TTC28: variants seen among roughly 807,000 people sequenced by gnomAD.
TTC28 encodes tetratricopeptide repeat domain 28.
TTC28 carries 61 observed loss-of-function variants against 198.0 expected under a neutral mutation model. The ratio of observed to expected loss-of-function variants is 0.31; its 90% CI spans 0.25 to 0.38. The LOEUF is 0.38. TTC28 is among the 10% of genes least tolerant of loss of function. The probability of loss-of-function intolerance (pLI) is 1.00; values close to 1 mark genes in which losing one functional copy is unlikely to be tolerated. For missense variants in TTC28, 2,678 were observed against 3,164.0 expected (o/e 0.85, Z 3.69); for synonymous variants, 1,171 against 1,297.8 (o/e 0.90, Z 2.10).
intron 2 of TTC28, among the ~76,000 whole-genome samples, chr22:28,626,543 G>A (rs1328162262): frequency 1.3e-5 from 2 of 151,930 alleles, no homozygotes; most frequent in Non-Finnish European, 2.9e-5. Context: ...TTTATAACAA[G>A]AAAATGTAAG....
chr22:28,102,483 A>G (rs1942183109), intron 8 of TTC28, among the ~76,000 whole-genome samples: 1 of 152,206 alleles, frequency 6.6e-6, no homozygotes, highest in Admixed American at 6.5e-5. Context: ...TCAAATCTGA[A>G]GGCAACCATT....
intron 2 of TTC28, among the ~76,000 whole-genome samples, chr22:28,536,274 T>A (rs190889070): frequency 6.7e-6 from 1 of 148,960 alleles, no homozygotes; most frequent in Non-Finnish European, 1.5e-5. Context: ...AGATTAATAA[T>A]CTAAGAATAA....
At chr22:28,075,129 T>A (rs1289818505) in intron 12 of TTC28, among the ~76,000 whole-genome samples, 2 of 151,980 alleles carry the variant, frequency 1.3e-5, no homozygotes, top group Non-Finnish European at 2.9e-5. Context: ...ATTTAAAAGG[T>A]CATGAGAAAC....
At chr22:28,586,134 C>G (rs1467333596) in intron 2 of TTC28, among the ~76,000 whole-genome samples, 2 of 151,898 alleles carry the variant, frequency 1.3e-5, no homozygotes, top group African/African-American at 4.8e-5. Context: ...AAAAAATTAG[C>G]TGGGCGTGGT....
chr22:28,184,123 A>G (rs1923963577), intron 5 of TTC28, among the ~76,000 whole-genome samples: 1 of 152,116 alleles, frequency 6.6e-6, no homozygotes, highest in South Asian at 2.1e-4. Context: ...TATCTATAAA[A>G]TGGGGGTAAT....
chr22:27,988,406 G>C (rs1937287007), intron 21 of TTC28, among the ~76,000 whole-genome samples: 2 of 150,324 alleles, frequency 1.3e-5, no homozygotes, highest in South Asian at 4.2e-4. Flanking sequence ...TCCTGCCTCA[G>C]CCTCCTGAGT....
intron 2 of TTC28, among the ~76,000 whole-genome samples, chr22:28,328,587 C>T (rs1165324878): frequency 6.6e-6 from 1 of 151,384 alleles, no homozygotes; most frequent in East Asian, 1.9e-4. Context: ...AACCACGTCT[C>T]TACTAAAAAT....
intron 20 of TTC28, 120 bp from the exon 21 acceptor site, chr22:27,990,127 T>A (rs970514959): frequency 7.7e-7 from 1 of 1,301,214 alleles, no homozygotes; most frequent in Non-Finnish European, 1.0e-6. Flanking sequence ...CTCTCATGAG[T>A]GTAGCATTTG....
chr22:28,120,884 ATGAT>A (rs892219978), intron 6 of TTC28, among the ~76,000 whole-genome samples: 11 of 152,322 alleles, frequency 7.2e-5, no homozygotes, highest in African/African-American at 2.6e-4. Flanking sequence ...TTCAAACTCT[ATGAT>A]TGTGTGAAGT....
intron 12 of TTC28, among the ~76,000 whole-genome samples, chr22:28,092,444 A>G (rs1415117960): frequency 6.6e-6 from 1 of 152,180 alleles, no homozygotes; most frequent in African/African-American, 2.4e-5. Flanking sequence ...CATGCCCACC[A>G]TGGGATCAGC....
At chr22:28,122,807 C>T (rs993651095) in intron 6 of TTC28, among the ~76,000 whole-genome samples, 6 of 152,138 alleles carry the variant, frequency 3.9e-5, no homozygotes, top group Non-Finnish European at 7.4e-5. Flanking sequence ...AAAATGATCA[C>T]TATATTGTTG....
At chr22:27,984,288 CGCTCTCCACACT>C (rs1217912917) in intron 22 of TTC28, among the ~76,000 whole-genome samples, 5 of 152,102 alleles carry the variant, frequency 3.3e-5, no homozygotes, top group African/African-American at 1.2e-4. Context: ...CACCGACACT[CGCTCTCCACACT>C]GCCTCTCCCC....
At chr22:28,639,026 C>T (rs2051319262) in intron 1 of TTC28, among the ~76,000 whole-genome samples, 1 of 152,160 alleles carries the variant, frequency 6.6e-6, no homozygotes, top group African/African-American at 2.4e-5. Flanking sequence ...GTTGCATAAC[C>T]TTTCAATTCT....
At chr22:28,238,657 T>G (rs761792291) in intron 5 of TTC28, among the ~76,000 whole-genome samples, 1 of 152,046 alleles carries the variant, frequency 6.6e-6, no homozygotes, top group African/African-American at 2.4e-5. Context: ...CTTTTTAGGG[T>G]CTCTATTAAA....
At chr22:28,539,546 G>C (rs2049366346) in intron 2 of TTC28, among the ~76,000 whole-genome samples, 1 of 151,968 alleles carries the variant, frequency 6.6e-6, no homozygotes, top group Non-Finnish European at 1.5e-5. Context: ...TGAGGCGTGA[G>C]GATTGCTTGA....
intron 2 of TTC28, among the ~76,000 whole-genome samples, chr22:28,360,629 A>C (rs1052157868): frequency 6.6e-6 from 1 of 152,344 alleles, no homozygotes; most frequent in East Asian, 1.9e-4. Context: ...TCACCAGTAC[A>C]CATGAACAAC....
chr22:27,983,469 G>A lies in TTC28; in HGVS notation c.6198C>T (p.Pro2066=). Residue 2066 remains proline, a synonymous_variant, in exon 23 of 23, where the codon CCC becomes CCT. Transcript: ENST00000397906. The part of the protein sequence containing the change: ...YEGFSIISNE[P]LATYQENRNT... ...TTCGGTTTTCTTGGTAGGTCGCCAAGGGCTCGTTACTGATGATAGAAAACC... is the reference window on the plus strand; with the variant it reads ...TTCGGTTTTCTTGGTAGGTCGCCAAAGGCTCGTTACTGATGATAGAAAACC... The A allele has an allele frequency of 6.5e-7, 1 of 1,546,160 alleles. No individual in the cohort carries two copies. Among genetic ancestry groups the A allele is most frequent in the Non-Finnish European group, 8.7e-7 (1 of 1,145,638 alleles).
At chr22:28,247,486 T>C (rs1424121647) in intron 5 of TTC28, among the ~76,000 whole-genome samples, 4 of 151,178 alleles carry the variant, frequency 2.6e-5, no homozygotes, top group Admixed American at 6.6e-5. Flanking sequence ...AGAAAAGAGA[T>C]GTAGTCGAGC....
intron 6 of TTC28, among the ~76,000 whole-genome samples, chr22:28,120,903 T>C (rs1942767622): frequency 6.6e-6 from 1 of 152,212 alleles, no homozygotes. Context: ...TGAAGTGTTC[T>C]AGCTAGATTA....
Sources: allele counts gnomAD v4.1 joint callset (sites outside exome capture counted in the v4.1 genomes callset), GRCh38; gene constraint gnomAD v4.1.1; transcripts MANE v1.5; gene names NCBI Gene and HGNC (gene_info 2026-07-23, HGNC 2026-07-21).